WDHD1: variants seen among roughly 807,000 people sequenced by gnomAD.
WDHD1 encodes WD repeat and HMG-box DNA binding protein 1, also known as WD repeat and HMG-box DNA-binding protein 1.
A neutral mutation model predicts 135.4 loss-of-function variants in WDHD1; 111 were observed. That is an observed-to-expected ratio of 0.82 (90% CI 0.70 to 0.96). The LOEUF (loss-of-function observed/expected upper bound fraction) is 0.96. Ranked by LOEUF, WDHD1 falls within the 40% of genes least tolerant of loss-of-function variation. The pLI is 0.00. For synonymous variants in WDHD1, 434 were observed against 439.0 expected (o/e 0.99, Z 0.14); for missense variants, 1,351 against 1,336.3 (o/e 1.01, Z -0.17).
chr14:54,992,661 T>C lies in WDHD1; in HGVS notation c.1154-1261A>G, dbSNP rs558116994. 2.6e-5 allele frequency among the ~76,000 whole-genome samples: 4 copies of C among 152,280 alleles called. No homozygotes were observed. In the South Asian group the frequency reaches 8.3e-4, roughly 32 times the overall value. ...CAGGTGCTGTGACTCACGCTTGTAA[T>C]TGCAGCACTTTGGGAGGCTGGGGAG... On this transcript the variant is annotated intron_variant, in intron 11 of 25. Coordinates refer to ENST00000360586, the MANE Select transcript of WDHD1 (RefSeq NM_007086.4).
intron 15 of WDHD1, among the ~76,000 whole-genome samples, chr14:54,984,264 G>A (rs1595092562): frequency 6.6e-6 from 1 of 152,330 alleles, no homozygotes; most frequent in Non-Finnish European, 1.5e-5. Context: ...GGAGGCCAAG[G>A]TGGGTGGATC....
In WDHD1 at chr14:54,991,268, C is replaced by A; in HGVS notation, c.1286G>T (p.Arg429Leu). The A allele has an allele frequency of 1.9e-6, 3 of 1,613,008 alleles. No individual in the cohort carries two copies. The highest frequency in any genetic ancestry group is 2.5e-6 in the Non-Finnish European group (3 of 1,179,244). ...AGAACCTGACTGAAATGGCTTTTGC[C>A]GGGGAGTTGGCATGGGTCCATCATA... is the stretch of plus-strand genomic sequence containing the variant. The part of the protein sequence containing the change: ...PFYDGPMPTP[R>L]QKPFQSGSTP... Residue 429 changes from arginine (R) to leucine (L), a missense_variant, in exon 12 of 26, where the codon CGG becomes CTG. By Grantham distance (102) the Arg-to-Leu change is moderately radical. Coordinates refer to ENST00000360586, the MANE Select transcript of WDHD1 (RefSeq NM_007086.4).
chr14:55,008,447 AG>A, intron 5 of WDHD1, 81 bp from the exon 6 acceptor site: 1 of 1,512,110 alleles, frequency 6.6e-7, no homozygotes, highest in East Asian at 2.3e-5. Context: ...TAAATCAAAA[AG>A]CCCTTTTATC....
intron 12 of WDHD1, 146 bp from the exon 13 acceptor site, chr14:54,989,358 T>G: frequency 1.1e-5 from 6 of 553,156 alleles, no homozygotes; most frequent in South Asian, 3.3e-5. Context: ...CATCTATCTC[T>G]AAATAGTTTC....
chr14:55,011,523 TCAA>T (rs1432922283), intron 3 of WDHD1, among the ~76,000 whole-genome samples: 1 of 12,230 alleles, frequency 8.2e-5, no homozygotes, highest in African/African-American at 2.1e-4. Flanking sequence ...AAACTCTGTC[TCAA>T]AAAAAAAAAA....
intron 25 of WDHD1, among the ~76,000 whole-genome samples, chr14:54,942,362 C>A (rs1018503545): frequency 2.0e-4 from 31 of 152,198 alleles, no homozygotes; most frequent in Middle Eastern, 3.4e-3. Context: ...TCCTGTGTAG[C>A]CTTCACCCAG....
At chr14:54,975,749 G>A (rs767077470) in intron 16 of WDHD1, among the ~76,000 whole-genome samples, 7 of 151,728 alleles carry the variant, frequency 4.6e-5, no homozygotes, top group Non-Finnish European at 1.0e-4. Context: ...CAGGCTGTCT[G>A]CAAACTCCTG....
At chr14:55,019,957 C>T (rs532872678) in intron 2 of WDHD1, among the ~76,000 whole-genome samples, 1 of 152,304 alleles carries the variant, frequency 6.6e-6, no homozygotes, top group South Asian at 2.1e-4. Context: ...CTCAAGGAGT[C>T]AATGATTACC....
intron 2 of WDHD1, among the ~76,000 whole-genome samples, chr14:55,015,668 G>C (rs1004393751): frequency 3.3e-5 from 5 of 151,900 alleles, no homozygotes; most frequent in African/African-American, 1.2e-4. Flanking sequence ...ATGGTGATGA[G>C]AGAAGTATTT....
At chr14:54,949,145 G>A (rs980250749) in intron 24 of WDHD1, among the ~76,000 whole-genome samples, 11 of 152,222 alleles carry the variant, frequency 7.2e-5, no homozygotes, top group Admixed American at 1.3e-4. Flanking sequence ...GAACAAAGCT[G>A]GACGGAGAAT....
At chr14:54,953,070 G>A (rs1482699457) in intron 24 of WDHD1, among the ~76,000 whole-genome samples, 1 of 152,096 alleles carries the variant, frequency 6.6e-6, no homozygotes, top group Non-Finnish European at 1.5e-5. Context: ...AATGTGCAAG[G>A]ACTTCATGTC....
chr14:55,000,214 T>A (rs1428197168), intron 10 of WDHD1, among the ~76,000 whole-genome samples: 1 of 151,998 alleles, frequency 6.6e-6, no homozygotes, highest in South Asian at 2.1e-4. Context: ...TAATTCAGAG[T>A]AGAAACAGTT....
At chr14:54,972,658 CAA>C (rs2041460249) in intron 16 of WDHD1, among the ~76,000 whole-genome samples, 1 of 139,580 alleles carries the variant, frequency 7.2e-6, no homozygotes, top group South Asian at 2.4e-4. Flanking sequence ...TATGAGTTGT[CAA>C]AAAAGAGAAA....
chr14:55,007,422 C>A, intron 6 of WDHD1, 47 bp from the exon 7 acceptor site: 1 of 1,355,912 alleles, frequency 7.4e-7, no homozygotes, highest in South Asian at 1.3e-5. Flanking sequence ...AAAATCCCCC[C>A]CAAAATATAT....
intron 16 of WDHD1, among the ~76,000 whole-genome samples, chr14:54,972,542 C>A (rs2041454102): frequency 2.6e-5 from 1 of 38,316 alleles, no homozygotes; most frequent in Non-Finnish European, 5.8e-5. Context: ...GGCAATAAAG[C>A]AAGACTGTCA....
At chr14:54,989,834 A>AT (rs766223184) in intron 12 of WDHD1, among the ~76,000 whole-genome samples, 32 of 151,862 alleles carry the variant, frequency 2.1e-4, no homozygotes, top group Non-Finnish European at 3.4e-4. Flanking sequence ...TAATTTCTGT[A>AT]TTTTTTTAGT....
rs1158702306 is a variant in WDHD1, at chr14:54,995,730, A to T, written c.1026T>A (p.Asn342Lys). ...MSNAGDFLND[N>K]AVEIPSFSKG... ...TTGAAAAAGAAGGGATCTCAACTGCATTGTCATTTAGAAAATCACCAGCAT... is the reference window on the plus strand; with the variant it reads ...TTGAAAAAGAAGGGATCTCAACTGCTTTGTCATTTAGAAAATCACCAGCAT... The change falls in exon 11 of 26, where the codon AAT (asparagine) becomes AAA (lysine). Residue 342 changes from asparagine (N) to lysine (K), a missense_variant. Around this residue, in one of 2 missense-constraint regions of WDHD1, gnomAD observed 1,330 missense variants for 1,296.1 expected, o/e 1.03. Coordinates refer to ENST00000360586, the MANE Select transcript of WDHD1 (RefSeq NM_007086.4). The T allele has an allele frequency of 6.2e-7, 1 of 1,613,474 alleles. No individual in the cohort carries two copies. The highest frequency in any genetic ancestry group is 8.5e-7 in the Non-Finnish European group (1 of 1,179,738).
chr14:54,975,703 CT>C (rs112393098), intron 16 of WDHD1, among the ~76,000 whole-genome samples: 41 of 145,180 alleles, frequency 2.8e-4, no homozygotes, highest in East Asian at 8.3e-4. Flanking sequence ...TAAATTAATG[CT>C]TTTTTTTTTA....
chr14:54,962,453 C>T (rs906893923), intron 21 of WDHD1, 45 bp downstream of exon 21: 16 of 1,464,368 alleles, frequency 1.1e-5, no homozygotes, highest in African/African-American at 1.4e-5. Context: ...TTGCAGATGA[C>T]TTGCAAAATT....
Sources: allele counts gnomAD v4.1 joint callset (sites outside exome capture counted in the v4.1 genomes callset), GRCh38; gene constraint gnomAD v4.1.1; regional missense constraint gnomAD v4.1.1; transcripts MANE v1.5; gene names NCBI Gene and HGNC (gene_info 2026-07-23, HGNC 2026-07-21).